DRC11: variants seen among roughly 807,000 people sequenced by gnomAD.
DRC11 encodes the protein dynein regulatory complex subunit 11, also known as IQ and AAA domain-containing protein 1.
the DRC11 span, among the ~76,000 whole-genome samples, chr2:236,389,548 C>G: frequency 6.6e-6 from 1 of 152,216 alleles, no homozygotes; most frequent in Non-Finnish European, 1.5e-5. Context: ...ACCCACTGAC[C>G]TGTGCCCACT....
the DRC11 span, chr2:236,399,265 C>T: frequency 1.0e-5 from 7 of 681,258 alleles, no homozygotes; most frequent in East Asian, 1.6e-4. The surrounding 1 kb of genome is among the most constrained non-coding windows in gnomAD (Gnocchi z 7.0). Context: ...GCTGGGATTA[C>T]AGGCGCAAGC....
At chr2:236,358,106 ATATT>A in the DRC11 span, among the ~76,000 whole-genome samples, 1 of 117,384 alleles carries the variant, frequency 8.5e-6, no homozygotes, top group South Asian at 2.7e-4. Context: ...ATATGAATAT[ATATT>A]ATACACTATA....
At chr2:236,500,904 G>A in the DRC11 span, among the ~76,000 whole-genome samples, 1 of 152,082 alleles carries the variant, frequency 6.6e-6, no homozygotes, top group African/African-American at 2.4e-5. The surrounding 1 kb of genome is among the most constrained non-coding windows in gnomAD (Gnocchi z 6.3). Context: ...CTCCATGTTG[G>A]TCAGCCTGGT....
At chr2:236,483,144 T>C in the DRC11 span, among the ~76,000 whole-genome samples, 15 of 152,354 alleles carry the variant, frequency 9.8e-5, no homozygotes, top group African/African-American at 2.6e-4. This position sits in a 1 kb window ranked among gnomAD's most constrained non-coding sequence, Gnocchi z 4.8. Context: ...AGTATTTGTC[T>C]TTTTGTGACT....
chr2:236,502,828 G>A, the DRC11 span, among the ~76,000 whole-genome samples: 2 of 151,686 alleles, frequency 1.3e-5, no homozygotes, highest in African/African-American at 4.8e-5. Flanking sequence ...GGTGGCATGC[G>A]CCTGTAATCC....
the DRC11 span, among the ~76,000 whole-genome samples, chr2:236,484,208 A>T: frequency 6.6e-6 from 1 of 152,206 alleles, no homozygotes; most frequent in East Asian, 1.9e-4. Flanking sequence ...CCTACCTGAC[A>T]TATATATTTG....
the DRC11 span, chr2:236,503,576 C>T: frequency 6.7e-7 from 1 of 1,486,442 alleles, no homozygotes; most frequent in Admixed American, 2.0e-5. This position sits in a 1 kb window ranked among gnomAD's most constrained non-coding sequence, Gnocchi z 4.9. Flanking sequence ...GCAAAGATTC[C>T]CGGCTGACAG....
the DRC11 span, chr2:236,493,978 A>G: frequency 1.8e-6 from 2 of 1,093,906 alleles, no homozygotes; most frequent in Non-Finnish European, 2.4e-6. Context: ...CGTGCACATC[A>G]AAGACGCTTG....
the DRC11 span, among the ~76,000 whole-genome samples, chr2:236,420,183 C>T: frequency 1.3e-5 from 2 of 152,234 alleles, no homozygotes; most frequent in Non-Finnish European, 2.9e-5. This position sits in a 1 kb window ranked among gnomAD's most constrained non-coding sequence, Gnocchi z 4.8. Flanking sequence ...CTGTTGTTGC[C>T]CTGTTTTATG....
At chr2:236,366,812 CTCTCTCTCTT>C in the DRC11 span, among the ~76,000 whole-genome samples, 1 of 149,328 alleles carries the variant, frequency 6.7e-6, no homozygotes, top group South Asian at 2.2e-4. Context: ...CTTCCTCCTC[CTCTCTCTCTT>C]TCTCTCTCTC....
At chr2:236,389,815 T>C in the DRC11 span, among the ~76,000 whole-genome samples, 3 of 152,250 alleles carry the variant, frequency 2.0e-5, no homozygotes, top group East Asian at 5.8e-4. Flanking sequence ...CTTTTTGTTA[T>C]TGATTTCTAG....
the DRC11 span, among the ~76,000 whole-genome samples, chr2:236,463,496 G>A: frequency 6.6e-6 from 1 of 152,078 alleles, no homozygotes; most frequent in Non-Finnish European, 1.5e-5. This position sits in a 1 kb window ranked among gnomAD's most constrained non-coding sequence, Gnocchi z 5.0. Flanking sequence ...ATTTTTAAAA[G>A]TCATCACTTT....
chr2:236,428,979 T>A, the DRC11 span, among the ~76,000 whole-genome samples: 1 of 152,220 alleles, frequency 6.6e-6, no homozygotes, highest in Non-Finnish European at 1.5e-5. Context: ...GTTGGTGGTA[T>A]CATGTTTCCC....
the DRC11 span, among the ~76,000 whole-genome samples, chr2:236,318,247 G>A: frequency 3.2e-3 from 489 of 152,148 alleles, 1 homozygote; most frequent in African/African-American, 0.011. The surrounding 1 kb of genome is among the most constrained non-coding windows in gnomAD (Gnocchi z 7.0). Context: ...CGCTGCACTC[G>A]ATGTAAACAG....
the DRC11 span, among the ~76,000 whole-genome samples, chr2:236,459,637 GTA>G: frequency 3.6e-4 from 45 of 125,706 alleles, no homozygotes; most frequent in African/African-American, 1.2e-3. Flanking sequence ...ACGTATATAC[GTA>G]TATACGTATA....
chr2:236,334,993 A>G, the DRC11 span, among the ~76,000 whole-genome samples: 1 of 151,950 alleles, frequency 6.6e-6, no homozygotes, highest in East Asian at 1.9e-4. The surrounding 1 kb of genome is among the most constrained non-coding windows in gnomAD (Gnocchi z 7.8). Context: ...CTTTGCAGAG[A>G]CAGCTTGGTC....
chr2:236,357,083 ATATAT>A, the DRC11 span, among the ~76,000 whole-genome samples: 6 of 106,244 alleles, frequency 5.6e-5, 1 homozygote, highest in Non-Finnish European at 7.0e-5. Flanking sequence ...TTATATATCT[ATATAT>A]TTTATATATT....
the DRC11 span, among the ~76,000 whole-genome samples, chr2:236,395,071 G>A: frequency 1.4e-3 from 216 of 152,286 alleles, no homozygotes; most frequent in Middle Eastern, 0.02. Context: ...GCACTTAGGC[G>A]TCCTTCCCCA....
chr2:236,396,655 C>T, the DRC11 span, among the ~76,000 whole-genome samples: 1 of 152,290 alleles, frequency 6.6e-6, no homozygotes, highest in East Asian at 1.9e-4. Context: ...AAATAATACA[C>T]ATTGTTTTAA....
Sources: gnomAD v4.1 joint callset for allele counts (sites outside exome capture counted in the v4.1 genomes callset) on GRCh38, gnomAD v4.1.1 for gene constraint, Gnocchi (gnomAD v3.1) non-coding constraint, MANE v1.5 for transcripts, NCBI Gene and HGNC (gene_info 2026-07-23, HGNC 2026-07-21) for gene names.